ITGA1: variants seen among roughly 807,000 people sequenced by gnomAD.
ITGA1 encodes integrin subunit alpha 1.
A neutral mutation model predicts 145.9 loss-of-function variants in ITGA1; 85 were observed. That is an observed-to-expected ratio of 0.58 (90% CI 0.49 to 0.70). ITGA1 has a LOEUF of 0.70. Among genes scored for constraint, ITGA1 ranks in the 30% least tolerant of loss-of-function variants. ITGA1 has a pLI of 0.00. For synonymous variants in ITGA1, 520 were observed against 495.3 expected, an observed-to-expected ratio of 1.05 and a Z score of -0.66; for missense variants, 1,351 against 1,418.7, an observed-to-expected ratio of 0.95 and a Z score of 0.77.
At chr5:52,829,329 G>A (rs1337856153) in intron 1 of ITGA1, among the ~76,000 whole-genome samples, 3 of 152,054 alleles carry the variant, frequency 2.0e-5, no homozygotes, top group Admixed American at 2.0e-4. Context: ...AGTTCAAGAT[G>A]AGTTTGGTCA....
At chr5:52,837,459 C>T (rs1321378887) in intron 1 of ITGA1, among the ~76,000 whole-genome samples, 1 of 152,112 alleles carries the variant, frequency 6.6e-6, no homozygotes, top group East Asian at 1.9e-4. Context: ...TAGCATTTCC[C>T]TCTAAAAACA....
At position 52,861,396 on chromosome 5, in the gene ITGA1, T is replaced by C. The variant is rs187890246; in HGVS notation, c.183-51T>C. ...AAAATCAGTCATAAAACAACTCATA[T>C]AAACTGTTTCTCAATGTTCAAAAAT... On this transcript the variant is annotated intron_variant, in intron 2 of 28. Transcript: ENST00000282588. 7.5e-4 allele frequency: 823 copies of C among 1,099,166 alleles called. 1 individual carries two copies. Among genetic ancestry groups the C allele is most frequent in the Non-Finnish European group, 9.4e-4 (675 of 719,264 alleles). 68.1% of individuals were successfully genotyped at this position (1,099,166 alleles called of 1,614,324 possible).
intron 14 of ITGA1, among the ~76,000 whole-genome samples, chr5:52,912,592 GTATTATATATAGTGTATCCACTATA>G (rs1561247237): frequency 3.8e-5 from 4 of 104,746 alleles, no homozygotes; most frequent in Non-Finnish European, 7.4e-5. Flanking sequence ...TCCACTATAG[GTATTATATATAGTGTATCCACTATA>G]TATTATATAT....
chr5:52,882,567 C>CTCTT (rs142084510), intron 7 of ITGA1, among the ~76,000 whole-genome samples: 30,027 of 151,906 alleles, frequency 0.2, 3,099 homozygotes, highest in South Asian at 0.28. Context: ...TTGTAATCCT[C>CTCTT]TCTCCTTTTT....
intron 6 of ITGA1, among the ~76,000 whole-genome samples, chr5:52,876,529 T>C (rs1271108759): frequency 6.6e-6 from 1 of 152,148 alleles, no homozygotes; most frequent in African/African-American, 2.4e-5. Flanking sequence ...CTGCTCCCTC[T>C]TCACATTTCC....
intron 14 of ITGA1, among the ~76,000 whole-genome samples, chr5:52,912,230 A>G (rs190998428): frequency 1.7e-4 from 25 of 144,368 alleles, no homozygotes; most frequent in African/African-American, 6.3e-4. Flanking sequence ...TATATACTGT[A>G]TCTAGTGTAT....
At chr5:52,801,585 G>A (rs1748486619) in intron 1 of ITGA1, 1 of 1,613,970 alleles carries the variant, frequency 6.2e-7, no homozygotes, top group Admixed American at 1.7e-5. Flanking sequence ...AGGTGGAGAA[G>A]GCCAATGAAG....
In ITGA1 at chr5:52,924,618, T is replaced by G. The variant is rs535326698; in HGVS notation, c.2404-660T>G. Among the ~76,000 whole-genome samples the G allele has an allele frequency of 3.3e-5, 5 of 152,296 alleles. No homozygotes were observed. In the South Asian group the frequency reaches 1.0e-3, roughly 32 times the overall value. On this transcript the variant is annotated intron_variant, in intron 18 of 28. Coordinates refer to ENST00000282588, the MANE Select transcript of ITGA1 (RefSeq NM_181501.2). ...TATTTGGTTCAGCCACACGACAGGATGCAGCAGAGTGAAGAGTGGTTGGAG... is the reference window on the plus strand; with the variant it reads ...TATTTGGTTCAGCCACACGACAGGAGGCAGCAGAGTGAAGAGTGGTTGGAG...
intron 4 of ITGA1, 36 bp downstream of exon 4, chr5:52,864,887 A>G: frequency 1.3e-6 from 2 of 1,545,918 alleles, no homozygotes; most frequent in Non-Finnish European, 1.8e-6. Flanking sequence ...TTGACAACAG[A>G]TATGCTATCA....
At chr5:52,807,520 GTTC>G (rs1475624431) in intron 1 of ITGA1, among the ~76,000 whole-genome samples, 2 of 152,104 alleles carry the variant, frequency 1.3e-5, no homozygotes, top group Non-Finnish European at 2.9e-5. Context: ...AAGAATGCCA[GTTC>G]TTCTCAGCTT....
chr5:52,943,508 T>C (rs1751083844), intron 26 of ITGA1, among the ~76,000 whole-genome samples: 1 of 152,194 alleles, frequency 6.6e-6, no homozygotes, highest in African/African-American at 2.4e-5. Context: ...GATAGGCTCT[T>C]AGTCTTGCCA....
At chr5:52,814,178 G>A (rs1183932369) in intron 1 of ITGA1, among the ~76,000 whole-genome samples, 4 of 152,070 alleles carry the variant, frequency 2.6e-5, no homozygotes, top group African/African-American at 4.8e-5. Flanking sequence ...ACAGAGTCTC[G>A]CTCTGTCACC....
chr5:52,938,954 G>A (rs1268644277), intron 24 of ITGA1, among the ~76,000 whole-genome samples: 3 of 152,016 alleles, frequency 2.0e-5, no homozygotes, highest in Non-Finnish European at 4.4e-5. Context: ...CCAGGCTGGA[G>A]TGCAGTGGCG....
At chr5:52,801,669 T>C (rs763365664) in intron 1 of ITGA1, 1 of 1,614,130 alleles carries the variant, frequency 6.2e-7, no homozygotes, top group South Asian at 1.1e-5. Flanking sequence ...GGAGCCGGTA[T>C]GTGAGGCTGG....
intron 28 of ITGA1, among the ~76,000 whole-genome samples, chr5:52,951,196 A>G (rs1213565706): frequency 6.6e-6 from 1 of 152,194 alleles, no homozygotes; most frequent in Non-Finnish European, 1.5e-5. Flanking sequence ...AATTTGCCAT[A>G]ATTTCGTGAT....
In ITGA1 at chr5:52,912,279, T is replaced by A. The variant is rs139505992; in HGVS notation, c.1857+1860T>A. On this transcript the variant is annotated intron_variant, in intron 14 of 28. Coordinates refer to ENST00000282588, the MANE Select transcript of ITGA1 (RefSeq NM_181501.2). ...TATATATAGTGTATCTACTATATAC[T>A]ATATATATTATCTATATACTATATA... Among the ~76,000 whole-genome samples the A allele has an allele frequency of 2.4e-3, 348 of 145,088 alleles. 1 individual carries two copies. The highest frequency in any genetic ancestry group is 4.2e-3 in the Non-Finnish European group (278 of 66,352).
At chr5:52,832,838 T>G (rs2111724383) in intron 1 of ITGA1, among the ~76,000 whole-genome samples, 1 of 570 alleles carries the variant, frequency 1.8e-3, no homozygotes, top group East Asian at 3.0e-3. Flanking sequence ...CTCAAAAGAG[T>G]TTTTTTTTGG....
intron 17 of ITGA1, among the ~76,000 whole-genome samples, chr5:52,922,284 GAGAGA>G (rs1750742438): frequency 7.0e-6 from 1 of 143,162 alleles, no homozygotes; most frequent in African/African-American, 2.7e-5. Context: ...CTGGGTGACA[GAGAGA>G]GACTCTGTCT....
chr5:52,897,017 A>C (rs549403586), intron 9 of ITGA1, among the ~76,000 whole-genome samples: 28 of 152,230 alleles, frequency 1.8e-4, no homozygotes, highest in African/African-American at 6.7e-4. Flanking sequence ...CTCTTTAAAT[A>C]TGTGAATGAA....
Sources: allele counts gnomAD v4.1 joint callset (sites outside exome capture counted in the v4.1 genomes callset), GRCh38; gene constraint gnomAD v4.1.1; transcripts MANE v1.5; gene names NCBI Gene and HGNC (gene_info 2026-07-23, HGNC 2026-07-21).